CSMD1: variants seen among roughly 807,000 people sequenced by gnomAD.
CSMD1 encodes the protein CUB and Sushi multiple domains 1.
In CSMD1, 213 loss-of-function variants were observed where a neutral mutation model predicts 417.5. That is an observed-to-expected ratio of 0.51 (90% CI 0.46 to 0.57). The LOEUF (loss-of-function observed/expected upper bound fraction) is 0.57. Among genes scored for constraint, CSMD1 ranks in the 20% least tolerant of loss-of-function variants. The pLI is 0.00. For missense variants in CSMD1, 6,923 were observed against 4,529.7 expected, an observed-to-expected ratio of 1.53 and a Z score of -15.17; for synonymous variants, 2,862 against 1,736.8, an observed-to-expected ratio of 1.65 and a Z score of -16.11.
chr8:4,141,292 C>T lies in CSMD1; in HGVS notation c.416-109193G>A, dbSNP rs113868689. 4.0e-4 allele frequency among the ~76,000 whole-genome samples: 61 copies of T among 151,148 alleles called. 9 individuals carry two copies. Among genetic ancestry groups the T allele is most frequent in the African/African-American group, 1.5e-3 (61 of 40,508 alleles). On this transcript the variant is annotated intron_variant, in intron 3 of 69. Transcript: ENST00000635120. Reference sequence around the variant, plus strand: ...AGCGACCTTCAGGTAGTGAAAAATCCGTAATTCCCAAGATGGAAATTAAGG... The same window carrying T: ...AGCGACCTTCAGGTAGTGAAAAATCTGTAATTCCCAAGATGGAAATTAAGG...
chr8:4,977,397 A>G (rs1191987018), intron 1 of CSMD1, among the ~76,000 whole-genome samples: 2 of 152,126 alleles, frequency 1.3e-5, no homozygotes, highest in African/African-American at 4.8e-5. Flanking sequence ...AGTTGAAAGG[A>G]TTTCAGGCTG....
chr8:4,607,208 A>T (rs1242118983), intron 2 of CSMD1, among the ~76,000 whole-genome samples: 2 of 152,066 alleles, frequency 1.3e-5, no homozygotes, highest in Non-Finnish European at 2.9e-5. Flanking sequence ...GGAGTGGGAG[A>T]GGTAGACAAT....
At chr8:4,900,780 A>G (rs375841433) in intron 1 of CSMD1, among the ~76,000 whole-genome samples, 7 of 152,284 alleles carry the variant, frequency 4.6e-5, no homozygotes, top group African/African-American at 1.7e-4. Flanking sequence ...TCTCAACAGA[A>G]TTCACTGACT....
At chr8:3,141,943 G>T (rs1287818924) in intron 41 of CSMD1, among the ~76,000 whole-genome samples, 2 of 151,264 alleles carry the variant, frequency 1.3e-5, no homozygotes, top group South Asian at 2.1e-4. Context: ...GACTACAGGC[G>T]CCCGCCACTA....
intron 46 of CSMD1, among the ~76,000 whole-genome samples, chr8:3,097,661 T>C (rs1310195293): frequency 1.3e-5 from 2 of 152,176 alleles, no homozygotes; most frequent in African/African-American, 4.8e-5. Context: ...CAGTGCAAAA[T>C]TTTAAATGTG....
At chr8:4,378,287 A>G (rs939977297) in intron 3 of CSMD1, among the ~76,000 whole-genome samples, 3 of 152,244 alleles carry the variant, frequency 2.0e-5, no homozygotes, top group Admixed American at 6.5e-5. Context: ...TATATAATCC[A>G]TGCAAAGTAA....
chr8:3,917,918 G>A (rs1483870362), intron 5 of CSMD1, among the ~76,000 whole-genome samples: 2 of 151,708 alleles, frequency 1.3e-5, no homozygotes, highest in African/African-American at 2.4e-5. Context: ...TTCTCAGTGT[G>A]TTTTTTAAGC....
chr8:4,147,260 G>A lies in CSMD1; in HGVS notation c.416-115161C>T, dbSNP rs1804194779. ...GCTGCCTACCTCGAATCCTTCAGCGGCTCCTCCTCACCTGCGTAATTCCAT... is the reference window on the plus strand; with the variant it reads ...GCTGCCTACCTCGAATCCTTCAGCGACTCCTCCTCACCTGCGTAATTCCAT... On this transcript the variant is annotated intron_variant, in intron 3 of 69. Transcript: ENST00000635120. Among the ~76,000 whole-genome samples the A allele has an allele frequency of 3.9e-5, 6 of 152,204 alleles. No homozygotes were observed. The South Asian group carries it at 1.2e-3, about 32-fold the overall frequency.
intron 42 of CSMD1, among the ~76,000 whole-genome samples, chr8:3,114,766 G>C (rs763444735): frequency 6.6e-6 from 1 of 152,082 alleles, no homozygotes; most frequent in African/African-American, 2.4e-5. Flanking sequence ...TTACCAATCA[G>C]CTTGGTAAAC....
chr8:4,424,080 G>A (rs1301153026), intron 2 of CSMD1, among the ~76,000 whole-genome samples: 1 of 151,900 alleles, frequency 6.6e-6, no homozygotes. Flanking sequence ...AAAATGTAAA[G>A]CAATTAGACT....
chr8:3,189,929 G>T lies in CSMD1; in HGVS notation c.5381C>A (p.Thr1794Lys). ...VPNALAQWND[T>K]IPSCVVPCSG... Reference sequence around the variant, plus strand: ...CTGCTCACCCACACAGCTGGGGATCGTGTCGTTCCACTGTGCCAAGGCGTT... The same window carrying T: ...CTGCTCACCCACACAGCTGGGGATCTTGTCGTTCCACTGTGCCAAGGCGTT... The change falls in exon 34 of 70, where the codon ACG becomes AAG. Residue 1794 changes from threonine (T) to lysine (K), a missense_variant. Thr to Lys is a moderately conservative substitution (Grantham distance 78). Coordinates refer to ENST00000635120, the MANE Select transcript of CSMD1 (RefSeq NM_033225.6). The T allele has an allele frequency of 6.3e-7, 1 of 1,584,304 alleles. No individual in the cohort carries two copies. Among genetic ancestry groups the T allele is most frequent in the Non-Finnish European group, 8.6e-7 (1 of 1,165,648 alleles).
chr8:4,989,699 T>C (rs553435533), intron 1 of CSMD1, among the ~76,000 whole-genome samples: 15 of 152,078 alleles, frequency 9.9e-5, no homozygotes, highest in Non-Finnish European at 1.6e-4. Context: ...AGCAGAAAAA[T>C]TACCAGAGGC....
At chr8:4,423,607 A>G (rs935348626) in intron 2 of CSMD1, among the ~76,000 whole-genome samples, 4 of 152,090 alleles carry the variant, frequency 2.6e-5, no homozygotes, top group African/African-American at 9.7e-5. Context: ...GGAAGACTCA[A>G]TAATGTAAAG....
chr8:4,942,883 G>C (rs1013491933), intron 1 of CSMD1, among the ~76,000 whole-genome samples: 1 of 152,204 alleles, frequency 6.6e-6, no homozygotes, highest in Admixed American at 6.5e-5. Context: ...TTCTATGAAA[G>C]CTTTTTGGAA....
chr8:3,577,577 A>G (rs1800205581), intron 9 of CSMD1, among the ~76,000 whole-genome samples: 1 of 152,192 alleles, frequency 6.6e-6, no homozygotes, highest in African/African-American at 2.4e-5. Context: ...AACTTTGCCA[A>G]TTAGAACAAT....
intron 3 of CSMD1, among the ~76,000 whole-genome samples, chr8:4,089,880 C>A (rs893832362): frequency 2.0e-5 from 3 of 152,064 alleles, no homozygotes; most frequent in East Asian, 1.9e-4. Flanking sequence ...GAAGTACCTG[C>A]AGAGCTGTGG....
intron 2 of CSMD1, among the ~76,000 whole-genome samples, chr8:4,483,401 A>T (rs1238868514): frequency 6.6e-6 from 1 of 152,354 alleles, no homozygotes; most frequent in Non-Finnish European, 1.5e-5. Flanking sequence ...TTCTAAAGCT[A>T]GCTAATTACA....
Position 3,884,285 on chromosome 8 carries a change from C to A in CSMD1, c.818+113618G>T, listed in dbSNP as rs145884316. The stretch of plus-strand genomic sequence containing the variant: ...TGTCTTCAACTTAACATACAATGGC[C>A]ACTTGTGTTTGTTATATAAAACATT... On this transcript the variant is annotated intron_variant, in intron 5 of 69. Transcript: ENST00000635120. Among the ~76,000 whole-genome samples the A allele has an allele frequency of 2.2e-3, 331 of 152,252 alleles. No individual in the cohort carries two copies. The Middle Eastern group carries it at 0.027, about 13-fold the overall frequency.
chr8:4,960,021 C>G (rs1394337874), intron 1 of CSMD1, among the ~76,000 whole-genome samples: 1 of 152,182 alleles, frequency 6.6e-6, no homozygotes, highest in African/African-American at 2.4e-5. Flanking sequence ...GCAATTTCAA[C>G]AAGGCATATG....
Sources: gnomAD v4.1 joint callset for allele counts (sites outside exome capture counted in the v4.1 genomes callset) on GRCh38, gnomAD v4.1.1 for gene constraint, MANE v1.5 for transcripts, NCBI Gene and HGNC (gene_info 2026-07-23, HGNC 2026-07-21) for gene names.